The following CHODL variants were observed in gnomAD, a reference collection of about 807,000 sequenced individuals.
The protein encoded by CHODL is transmembrane protein MT75.
A neutral mutation model predicts 34.5 loss-of-function variants in CHODL; 29 were observed. That is an observed-to-expected ratio of 0.84 (90% confidence interval 0.63 to 1.15). CHODL has a LOEUF of 1.15. CHODL is among the 50% of genes most tolerant of loss of function. CHODL has a pLI of 0.00. For missense variants in CHODL, 332 were observed against 332.5 expected (o/e 1.00, Z 0.01); for synonymous variants, 125 against 116.1 (o/e 1.08, Z -0.49).
At chr21:18,110,406 G>A (rs2065333792) in intron 2 of CHODL, among the ~76,000 whole-genome samples, 1 of 152,188 alleles carries the variant, frequency 6.6e-6, no homozygotes, top group Non-Finnish European at 1.5e-5. Flanking sequence ...CAAAAGTGGT[G>A]TTGTCTAGCA....
intron 2 of CHODL, among the ~76,000 whole-genome samples, chr21:18,037,102 A>G (rs374390607): frequency 8.5e-5 from 13 of 152,052 alleles, no homozygotes; most frequent in African/African-American, 2.6e-4. Flanking sequence ...TATTTTCACA[A>G]TATCAGACAA....
chr21:18,181,132 G>A (rs2073376744), intron 2 of CHODL, among the ~76,000 whole-genome samples: 1 of 152,166 alleles, frequency 6.6e-6, no homozygotes, highest in African/African-American at 2.4e-5. Context: ...CAGGTAGGGT[G>A]AAGTGTTATG....
In CHODL at chr21:18,251,421, T is replaced by TTAATATATAAAATAAATGTG. The variant is rs1415866431; in HGVS notation, c.80-5086_80-5085insATATATAAAATAAATGTGTA. ...ATATAAAATATGTATTTTATTTATT[T>TTAATATATAAAATAAATGTG]TATTTATTTATTTTAATATATAAAA... is the stretch of plus-strand genomic sequence containing the variant. On this transcript the variant is annotated intron_variant, in intron 1 of 5. Coordinates refer to ENST00000299295, the MANE Select transcript of CHODL (RefSeq NM_024944.3). Among the ~76,000 whole-genome samples, 5 of 44,850 alleles carry TTAATATATAAAATAAATGTG rather than the reference T, an allele frequency of 1.1e-4. 2 individuals are homozygous for TTAATATATAAAATAAATGTG. The highest frequency in any genetic ancestry group is 2.6e-4 in the African/African-American group (5 of 19,292). 29.4% of individuals were successfully genotyped at this position (44,850 alleles called of 152,430 possible). A position where few individuals can be genotyped will look rare whatever the true frequency, so the allele number is the denominator to read the frequency against.
Position 18,245,279 on chromosome 21 carries a change from C to G in CHODL, c.56C>G (p.Ala19Gly). The change falls in exon 1 of 6, where the codon GCC becomes GGC. Residue 19 changes from alanine to glycine, a missense_variant. Transcript: ENST00000299295. ...LGAALLCGHG[A>G]FCRRVVSGQK... The stretch of plus-strand genomic sequence containing the variant: ...GCCGCGCTGCTCTGCGGCCACGGAG[C>G]CTTCTGCCGCCGCGTGGTCAGCGGT... The G allele has an allele frequency of 1.3e-6, 2 of 1,525,052 alleles. No homozygotes were observed. Among genetic ancestry groups the G allele is most frequent in the Non-Finnish European group, 1.8e-6 (2 of 1,142,596 alleles). The allele number at this position is 1,525,052 out of a possible 1,614,324, so 94.5% of individuals were successfully genotyped here. A position where few individuals can be genotyped will look rare whatever the true frequency, so the allele number is the denominator to read the frequency against.
At chr21:18,024,732 T>G (rs1259399365) in intron 1 of CHODL, 2 of 152,196 alleles carry the variant, frequency 1.3e-5, no homozygotes, top group African/African-American at 2.4e-5. Flanking sequence ...GAAGTCCTGT[T>G]GTATTGAGTA....
At chr21:18,016,708 G>A (rs1181040294) in intron 1 of CHODL, among the ~76,000 whole-genome samples, 1 of 152,204 alleles carries the variant, frequency 6.6e-6, no homozygotes, top group Non-Finnish European at 1.5e-5. Context: ...TAGATCCACT[G>A]ACAGCTTGCA....
intron 1 of CHODL, among the ~76,000 whole-genome samples, chr21:18,013,793 C>G (rs931653342): frequency 6.6e-6 from 1 of 151,566 alleles, no homozygotes; most frequent in African/African-American, 2.4e-5. Context: ...TGCCACCACA[C>G]CTGGCTAATT....
intron 2 of CHODL, among the ~76,000 whole-genome samples, chr21:18,180,495 T>C (rs1457939141): frequency 6.6e-6 from 1 of 152,208 alleles, no homozygotes; most frequent in Non-Finnish European, 1.5e-5. Flanking sequence ...ACTGCATGTT[T>C]CCTGTTACAG....
intron 2 of CHODL, among the ~76,000 whole-genome samples, chr21:18,170,538 A>C (rs984205361): frequency 1.3e-5 from 2 of 152,024 alleles, no homozygotes; most frequent in African/African-American, 4.8e-5. Context: ...GTACTGTCTT[A>C]ATTCCTTGTA....
At chr21:18,022,132 G>C (rs2064133712) in intron 1 of CHODL, among the ~76,000 whole-genome samples, 1 of 152,180 alleles carries the variant, frequency 6.6e-6, no homozygotes, top group African/African-American at 2.4e-5. Flanking sequence ...ACTTGAGGGT[G>C]TTAAACAGCA....
chr21:18,051,178 T>C (rs1237723261), intron 2 of CHODL, among the ~76,000 whole-genome samples: 1 of 151,770 alleles, frequency 6.6e-6, no homozygotes, highest in Non-Finnish European at 1.5e-5. Context: ...AACATGGCGG[T>C]GTTGGGTTTT....
At chr21:18,258,589 C>A (rs1171928372) in intron 3 of CHODL, among the ~76,000 whole-genome samples, 4 of 151,976 alleles carry the variant, frequency 2.6e-5, no homozygotes, top group African/African-American at 9.7e-5. Flanking sequence ...ATTACTCATG[C>A]AAGAGCATTT....
At chr21:18,197,409 G>A (rs1184508092) in intron 2 of CHODL, among the ~76,000 whole-genome samples, 5 of 152,076 alleles carry the variant, frequency 3.3e-5, no homozygotes, top group South Asian at 2.1e-4. Context: ...TCAGGAGTTC[G>A]AGACCAACCT....
At chr21:18,234,781 G>C (rs1158164009) in intron 2 of CHODL, among the ~76,000 whole-genome samples, 2 of 152,218 alleles carry the variant, frequency 1.3e-5, no homozygotes, top group East Asian at 1.9e-4. Context: ...CTTTGGCGTT[G>C]AGTCGGAAAA....
intron 2 of CHODL, among the ~76,000 whole-genome samples, chr21:18,218,831 G>A (rs572686685): frequency 4.6e-5 from 7 of 152,100 alleles, no homozygotes; most frequent in African/African-American, 1.7e-4. Context: ...TTCAGTTCCC[G>A]GCAAGTTTCT....
At chr21:17,989,997 A>T (rs1356848412) in intron 1 of CHODL, among the ~76,000 whole-genome samples, 1 of 152,100 alleles carries the variant, frequency 6.6e-6, no homozygotes, top group Non-Finnish European at 1.5e-5. Flanking sequence ...TTTGTCTCCT[A>T]CAGAGCTGTT....
intron 1 of CHODL, among the ~76,000 whole-genome samples, chr21:17,973,396 T>C (rs2063632760): frequency 1.4e-5 from 2 of 147,222 alleles, no homozygotes; most frequent in Admixed American, 1.4e-4. Flanking sequence ...TACTATGCAT[T>C]TTCTTTTCTT....
At chr21:17,977,583 A>G (rs1409896408) in intron 1 of CHODL, among the ~76,000 whole-genome samples, 1 of 145,410 alleles carries the variant, frequency 6.9e-6, no homozygotes, top group Non-Finnish European at 1.5e-5. Context: ...GATGGTCTCG[A>G]TCTCTTGACC....
At chr21:18,190,756 A>G (rs1381272545) in intron 2 of CHODL, among the ~76,000 whole-genome samples, 1 of 152,220 alleles carries the variant, frequency 6.6e-6, no homozygotes, top group East Asian at 1.9e-4. Context: ...AATCTGATAA[A>G]AACAATAAGA....
Sources: allele counts gnomAD v4.1 joint callset (sites outside exome capture counted in the v4.1 genomes callset), GRCh38; gene constraint gnomAD v4.1.1; transcripts MANE v1.5; gene names NCBI Gene and HGNC (gene_info 2026-07-23, HGNC 2026-07-21).